Variants in TBC1D21 observed in about 807,000 individuals in gnomAD.
TBC1D21 encodes the protein TBC1 domain family member 21.
A neutral mutation model predicts 46.0 loss-of-function variants in TBC1D21; 38 were observed. The observed-to-expected ratio is 0.83, with a 90% CI of 0.64 to 1.08. TBC1D21 has a LOEUF of 1.08. Ranked by LOEUF, TBC1D21 falls within the 50% of genes least tolerant of loss-of-function variation. The pLI is 0.00. For synonymous variants in TBC1D21, 151 were observed against 157.2 expected, an observed-to-expected ratio of 0.96 and a Z score of 0.29; for missense variants, 415 against 417.9, an observed-to-expected ratio of 0.99 and a Z score of 0.06.
chr15:73,901,111 C>T, the TBC1D21 span, among the ~76,000 whole-genome samples: 11 of 152,208 alleles, frequency 7.2e-5, no homozygotes, highest in Non-Finnish European at 1.2e-4. Flanking sequence ...AGAGATGCAC[C>T]TTCCACAGCT....
In TBC1D21 at chr15:73,881,854, G is replaced by T. The variant is rs1489088715; in HGVS notation, c.272+107G>T. On this transcript the variant is annotated intron_variant, in intron 3 of 10. Transcript: ENST00000300504. ...CTGCCCCCATGCAACTTCTTATTCC[G>T]AGAGGAACCCCATGCCTCCTGACCC... The T allele has an allele frequency of 2.9e-6, 3 of 1,017,366 alleles. No individual in the cohort carries two copies. The African/African-American group carries it at 4.8e-5, about 16-fold the overall frequency. The allele number at this position is 1,017,366 out of a possible 1,614,324, so 63.0% of individuals were successfully genotyped here. A position where few individuals can be genotyped will look rare whatever the true frequency, so the allele number is the denominator to read the frequency against.
chr15:73,876,199 GTTTTTTTTTTTTTTTTTTTTT>G (rs539517539), intron 1 of TBC1D21, among the ~76,000 whole-genome samples: 6 of 28,326 alleles, frequency 2.1e-4, no homozygotes, highest in Non-Finnish European at 7.5e-4. Flanking sequence ...TTTTTTGTGG[GTTTTTTTTTTTTTTTTTTTTT>G]TTTTTTTTTT....
chr15:73,895,314 T>A, the TBC1D21 span, among the ~76,000 whole-genome samples: 4,303 of 152,292 alleles, frequency 0.028, 87 homozygotes, highest in Middle Eastern at 0.058. Flanking sequence ...CAGGAGTGAC[T>A]GTGCAGGGCA....
chr15:73,875,431 C>A (rs1363751921), intron 1 of TBC1D21, among the ~76,000 whole-genome samples: 1 of 151,760 alleles, frequency 6.6e-6, no homozygotes, highest in Non-Finnish European at 1.5e-5. Flanking sequence ...GGCATTAAAA[C>A]CCTCATAAAA....
At chr15:73,894,370 G>A in the TBC1D21 span, among the ~76,000 whole-genome samples, 1 of 152,274 alleles carries the variant, frequency 6.6e-6, no homozygotes, top group Non-Finnish European at 1.5e-5. Flanking sequence ...CTGGATGACA[G>A]GGGTGGTGTG....
intron 9 of TBC1D21, 131 bp downstream of exon 9, chr15:73,887,867 G>C: frequency 1.4e-6 from 1 of 710,748 alleles, no homozygotes. Flanking sequence ...AGACAGAAAG[G>C]GCAATGAGAT....
intron 1 of TBC1D21, 126 bp downstream of exon 1, chr15:73,873,895 G>T (rs1229895912): frequency 5.5e-6 from 6 of 1,084,744 alleles, no homozygotes; most frequent in Non-Finnish European, 8.2e-6. Flanking sequence ...AGCAAGGGCG[G>T]TTGTACCTTA....
At chr15:73,896,587 G>A in the TBC1D21 span, among the ~76,000 whole-genome samples, 2 of 152,108 alleles carry the variant, frequency 1.3e-5, no homozygotes, top group African/African-American at 4.8e-5. Flanking sequence ...AGAGAACGTG[G>A]CGGAACAAAG....
chr15:73,900,257 G>A, the TBC1D21 span, among the ~76,000 whole-genome samples: 2 of 152,182 alleles, frequency 1.3e-5, no homozygotes, highest in Non-Finnish European at 2.9e-5. Flanking sequence ...GCCCCTCTGC[G>A]CAGACACAGC....
chr15:73,907,133 CT>C, the TBC1D21 span, among the ~76,000 whole-genome samples: 1 of 142,570 alleles, frequency 7.0e-6, no homozygotes, highest in Non-Finnish European at 1.6e-5. Flanking sequence ...CCTCTTCCTC[CT>C]CCTGCTCCTC....
At chr15:73,903,874 C>A in the TBC1D21 span, among the ~76,000 whole-genome samples, 5 of 152,108 alleles carry the variant, frequency 3.3e-5, no homozygotes, top group Non-Finnish European at 7.3e-5. Context: ...TGGTGAAACC[C>A]CTTCTCTACT....
chr15:73,898,549 C>T, the TBC1D21 span, among the ~76,000 whole-genome samples: 1 of 152,024 alleles, frequency 6.6e-6, no homozygotes, highest in South Asian at 2.1e-4. Flanking sequence ...CCAATATATT[C>T]ATAATATATT....
chr15:73,882,770 G>A (rs2068177053), intron 3 of TBC1D21, among the ~76,000 whole-genome samples: 1 of 152,176 alleles, frequency 6.6e-6, no homozygotes, highest in Non-Finnish European at 1.5e-5. Context: ...AGATAATACA[G>A]GTAAGGCACC....
At position 73,888,699 on chromosome 15, in the gene TBC1D21, C is replaced by T. The variant is rs140798779; in HGVS notation, c.978+186C>T. 7.2e-3 allele frequency among the ~76,000 whole-genome samples: 1,072 copies of T among 148,002 alleles called. 25 individuals are homozygous for T. The highest frequency in any genetic ancestry group is 0.054 in the Admixed American group (810 of 14,892). On this transcript the variant is annotated intron_variant, in intron 10 of 10. Transcript: ENST00000300504. ...CCTCCTCCTCCTCTTCCTCCTCGTA[C>T]TCCTCCTCTTCTTCCTTCTCCTCCT... is the stretch of plus-strand genomic sequence containing the variant.
chr15:73,885,165 C>G (rs186302285), intron 6 of TBC1D21, 62 bp downstream of exon 6: 12 of 1,458,090 alleles, frequency 8.2e-6, no homozygotes, highest in Non-Finnish European at 6.7e-6. Context: ...CCCCAAACAA[C>G]TCTTTGAGGA....
the TBC1D21 span, among the ~76,000 whole-genome samples, chr15:73,905,513 G>A: frequency 6.6e-6 from 1 of 152,258 alleles, no homozygotes; most frequent in South Asian, 2.1e-4. Flanking sequence ...GTCCAGTGGT[G>A]TGCTGAAGTC....
At chr15:73,886,360 TA>T in intron 7 of TBC1D21, 151 bp from the exon 8 acceptor site, 1 of 851,830 alleles carries the variant, frequency 1.2e-6, no homozygotes, top group Non-Finnish European at 1.9e-6. Flanking sequence ...AAGTTGACTC[TA>T]AACCATCTCC....
At chr15:73,886,005 G>C in intron 6 of TBC1D21, 73 bp from the exon 7 acceptor site, 1 of 1,291,032 alleles carries the variant, frequency 7.7e-7, no homozygotes, top group Admixed American at 1.7e-5. Context: ...GTGAAGCTGG[G>C]GGAAGCAGAG....
chr15:73,893,726 G>T (rs999488644), downstream of TBC1D21, among the ~76,000 whole-genome samples: 2 of 152,162 alleles, frequency 1.3e-5, no homozygotes, highest in Admixed American at 6.5e-5. Context: ...CTTGCCAGCA[G>T]AACCGAGTCC....
Sources: allele counts gnomAD v4.1 joint callset (sites outside exome capture counted in the v4.1 genomes callset), GRCh38; gene constraint gnomAD v4.1.1; transcripts MANE v1.5; gene names NCBI Gene and HGNC (gene_info 2026-07-23, HGNC 2026-07-21).